JARID2: variants seen among roughly 807,000 people sequenced by gnomAD.
JARID2 encodes the protein protein Jumonji.
JARID2 carries 21 observed loss-of-function variants against 125.6 expected under a neutral mutation model. That is an observed-to-expected ratio of 0.17 (90% confidence interval 0.12 to 0.24). The LOEUF (loss-of-function observed/expected upper bound fraction) is 0.24. Ranked by LOEUF, JARID2 falls within the 10% of genes least tolerant of loss-of-function variation. The pLI is 1.00. For synonymous variants in JARID2, 736 were observed against 661.6 expected, an observed-to-expected ratio of 1.11 and a Z score of -1.73; for missense variants, 1,303 against 1,639.6, an observed-to-expected ratio of 0.79 and a Z score of 3.55.
intron 1 of JARID2, among the ~76,000 whole-genome samples, chr6:15,264,120 G>A (rs1759990266): frequency 1.3e-5 from 2 of 152,176 alleles, no homozygotes; most frequent in Admixed American, 6.5e-5. Context: ...AGTGGATGGT[G>A]GGGACTGCAA....
At chr6:15,429,675 C>A (rs1307411887) in intron 3 of JARID2, among the ~76,000 whole-genome samples, 1 of 152,152 alleles carries the variant, frequency 6.6e-6, no homozygotes, top group Non-Finnish European at 1.5e-5. Flanking sequence ...GGTGTATGCA[C>A]ACGTGTGTGT....
intron 1 of JARID2, among the ~76,000 whole-genome samples, chr6:15,259,922 CTG>C (rs1374253397): frequency 2.0e-5 from 3 of 151,932 alleles, no homozygotes; most frequent in Non-Finnish European, 4.4e-5. Context: ...TCAGATTAAA[CTG>C]TGGACAGCAG....
chr6:15,288,508 C>T (rs1761087231), intron 1 of JARID2, among the ~76,000 whole-genome samples: 1 of 152,208 alleles, frequency 6.6e-6, no homozygotes, highest in African/African-American at 2.4e-5. Flanking sequence ...TGAACTATAT[C>T]AAGCGAGTGC....
intron 1 of JARID2, among the ~76,000 whole-genome samples, chr6:15,293,202 A>G (rs1351317282): frequency 1.3e-5 from 2 of 152,184 alleles, no homozygotes; most frequent in African/African-American, 4.8e-5. Flanking sequence ...TCTACTTCCA[A>G]TAATAGGCAG....
At chr6:15,350,966 T>C (rs1763409291) in intron 1 of JARID2, among the ~76,000 whole-genome samples, 1 of 151,288 alleles carries the variant, frequency 6.6e-6, no homozygotes, top group Non-Finnish European at 1.5e-5. Flanking sequence ...CAGGAGAAAC[T>C]GCCACATCCT....
chr6:15,513,661 G>A (rs992431642), intron 16 of JARID2, among the ~76,000 whole-genome samples: 1 of 152,240 alleles, frequency 6.6e-6, no homozygotes, highest in African/African-American at 2.4e-5. Flanking sequence ...CCCTCCCTCG[G>A]TCCTGCAGTG....
rs1421305196 is a variant in JARID2 at position 15,428,942 on chromosome 6, A to ACCCC, written c.323+18577_323+18578insCCCC. ...AAAAAAAAAACAAACCCCCCCCCCA[A>ACCCC]AAAAAAAAAAAACTTCTAGAGTATA... On this transcript the variant is annotated intron_variant, in intron 3 of 17. Transcript: ENST00000341776. 8.4e-3 allele frequency among the ~76,000 whole-genome samples: 966 copies of ACCCC among 114,844 alleles called. 15 individuals carry two copies. Among genetic ancestry groups the ACCCC allele is most frequent in the African/African-American group, 0.028 (802 of 28,148 alleles). 75.3% of individuals were successfully genotyped at this position (114,844 alleles called of 152,430 possible). A position where few individuals can be genotyped will look rare whatever the true frequency, so the allele number is the denominator to read the frequency against.
intron 1 of JARID2, among the ~76,000 whole-genome samples, chr6:15,333,963 T>G (rs1762799863): frequency 6.6e-6 from 1 of 152,144 alleles, no homozygotes; most frequent in Non-Finnish European, 1.5e-5. Flanking sequence ...GCCCCGAGAC[T>G]GGTTTGGATG....
intron 1 of JARID2, among the ~76,000 whole-genome samples, chr6:15,344,320 A>C (rs956769815): frequency 6.6e-6 from 1 of 151,622 alleles, no homozygotes; most frequent in Non-Finnish European, 1.5e-5. Flanking sequence ...GATAAAGCAC[A>C]CTCTGGCATA....
Position 15,300,617 on chromosome 6 carries a change from T to G in JARID2, c.45+54033T>G, listed in dbSNP as rs187629032. 2.0e-5 allele frequency among the ~76,000 whole-genome samples: 3 copies of G among 152,068 alleles called. No homozygotes were observed. The East Asian group carries it at 5.8e-4, about 29-fold the overall frequency. On this transcript the variant is annotated intron_variant, in intron 1 of 17. Coordinates refer to ENST00000341776, the MANE Select transcript of JARID2 (RefSeq NM_004973.4). ...TTTGGAGTCTATCTGTTTCGAGTTATGAATGAAATTTCTTAGCCACTTACT... is the reference window on the plus strand; with the variant it reads ...TTTGGAGTCTATCTGTTTCGAGTTAGGAATGAAATTTCTTAGCCACTTACT...
chr6:15,322,920 T>C (rs1328614173), intron 1 of JARID2, among the ~76,000 whole-genome samples: 2 of 152,244 alleles, frequency 1.3e-5, no homozygotes, highest in Non-Finnish European at 2.9e-5. Flanking sequence ...AATATAAACA[T>C]AACAGCATAC....
intron 1 of JARID2, among the ~76,000 whole-genome samples, chr6:15,285,458 A>G (rs1380816085): frequency 1.3e-5 from 2 of 152,128 alleles, no homozygotes; most frequent in African/African-American, 4.8e-5. Flanking sequence ...TCATTATGCA[A>G]TTAATTACAA....
intron 3 of JARID2, among the ~76,000 whole-genome samples, chr6:15,441,089 G>A (rs1183040637): frequency 6.6e-6 from 1 of 152,084 alleles, no homozygotes; most frequent in East Asian, 1.9e-4. Flanking sequence ...TGGGTTTTCT[G>A]ATACTCAGAA....
chr6:15,378,443 A>G (rs1339555818), intron 2 of JARID2, among the ~76,000 whole-genome samples: 4 of 151,962 alleles, frequency 2.6e-5, no homozygotes, highest in Non-Finnish European at 4.4e-5. Context: ...GTCCTCTTTC[A>G]TGCCTTCGAG....
At chr6:15,447,223 ATACT>A (rs933506696) in intron 3 of JARID2, among the ~76,000 whole-genome samples, 7 of 152,302 alleles carry the variant, frequency 4.6e-5, no homozygotes, top group Admixed American at 2.6e-4. Flanking sequence ...ATATATCAAC[ATACT>A]TCTTCCTCTG....
At chr6:15,488,774 T>C (rs1036038979) in intron 6 of JARID2, among the ~76,000 whole-genome samples, 2 of 152,082 alleles carry the variant, frequency 1.3e-5, no homozygotes, top group Non-Finnish European at 2.9e-5. Flanking sequence ...ATGGCAAGAA[T>C]CACCACATTT....
chr6:15,310,404 A>G (rs2127425685), intron 1 of JARID2, among the ~76,000 whole-genome samples: 1 of 152,344 alleles, frequency 6.6e-6, no homozygotes, highest in South Asian at 2.1e-4. Flanking sequence ...GATAGCATTA[A>G]TACATCACCC....
rs556839318 is a variant in JARID2 at position 15,424,122 on chromosome 6, C to A, written c.323+13757C>A. ...GTGGATAGACCTGTATGTATTCATCCCTGGCTGCCTCTTTTTTTTTTTTTT... is the reference window on the plus strand; with the variant it reads ...GTGGATAGACCTGTATGTATTCATCACTGGCTGCCTCTTTTTTTTTTTTTT... On this transcript the variant is annotated intron_variant, in intron 3 of 17. Coordinates refer to ENST00000341776, the MANE Select transcript of JARID2 (RefSeq NM_004973.4). 3.9e-3 allele frequency among the ~76,000 whole-genome samples: 584 copies of A among 150,608 alleles called. 4 individuals are homozygous for A. Among genetic ancestry groups the A allele is most frequent in the Middle Eastern group, 0.024 (7 of 292 alleles).
intron 3 of JARID2, among the ~76,000 whole-genome samples, chr6:15,438,297 C>T (rs1238371061): frequency 6.6e-6 from 1 of 152,110 alleles, no homozygotes; most frequent in Non-Finnish European, 1.5e-5. Flanking sequence ...CTGGCGGAAT[C>T]GGAAAGTTGC....
Sources: gnomAD v4.1 joint callset for allele counts (sites outside exome capture counted in the v4.1 genomes callset) on GRCh38, gnomAD v4.1.1 for gene constraint, MANE v1.5 for transcripts, NCBI Gene and HGNC (gene_info 2026-07-23, HGNC 2026-07-21) for gene names.